PPA1: variants seen among roughly 807,000 people sequenced by gnomAD.
PPA1 encodes inorganic pyrophosphatase.
In PPA1, 23 loss-of-function variants were observed where a neutral mutation model predicts 41.8. The observed-to-expected ratio is 0.55, with a 90% CI of 0.40 to 0.78. The LOEUF (loss-of-function observed/expected upper bound fraction) is 0.78, where lower values mean the gene tolerates loss of function less well. Ranked by LOEUF, PPA1 falls within the 30% of genes least tolerant of loss-of-function variation. PPA1 has a pLI of 0.00. For missense variants in PPA1, 320 were observed against 361.6 expected (o/e 0.89, Z 0.93); for synonymous variants, 101 against 116.8 (o/e 0.86, Z 0.87).
intron 8 of PPA1, among the ~76,000 whole-genome samples, chr10:70,206,718 C>T (rs1417751054): frequency 3.3e-5 from 5 of 151,256 alleles, no homozygotes; most frequent in Non-Finnish European, 7.4e-5. Flanking sequence ...GTGGCGCATG[C>T]CTGTAGTCCC....
intron 2 of PPA1, among the ~76,000 whole-genome samples, chr10:70,228,813 G>A (rs1034681794): frequency 4.6e-5 from 7 of 152,322 alleles, no homozygotes; most frequent in African/African-American, 1.7e-4. Flanking sequence ...GTACAGAACT[G>A]CAGCAAACTT....
chr10:70,205,334 C>T (rs915536800), intron 9 of PPA1: 2 of 151,634 alleles, frequency 1.3e-5, no homozygotes, highest in African/African-American at 4.9e-5. Context: ...TGAGATTGCG[C>T]CACTGCACTC....
chr10:70,217,970 G>A (rs1840098035), intron 3 of PPA1, 39 bp from the exon 4 acceptor site: 3 of 1,480,270 alleles, frequency 2.0e-6, no homozygotes, highest in Non-Finnish European at 2.8e-6. Flanking sequence ...ATATTTGGAT[G>A]TGAAATACTA....
chr10:70,219,804 A>G (rs983943486), intron 2 of PPA1, among the ~76,000 whole-genome samples: 1 of 152,222 alleles, frequency 6.6e-6, no homozygotes. Flanking sequence ...CCCATTTTGC[A>G]CACTGGAGTT....
intron 3 of PPA1, 103 bp from the exon 4 acceptor site, chr10:70,218,034 C>T: frequency 2.8e-6 from 3 of 1,064,832 alleles, no homozygotes; most frequent in Non-Finnish European, 2.6e-6. Context: ...CCTAATTCCA[C>T]TTTAATGATA....
In PPA1 at chr10:70,223,151, G is replaced by A. The variant is rs183239288; in HGVS notation, c.124-4334C>T. Among the ~76,000 whole-genome samples the A allele has an allele frequency of 4.6e-5, 7 of 152,118 alleles. No individual in the cohort carries two copies. In the East Asian group the frequency reaches 1.2e-3, roughly 25 times the overall value. On this transcript the variant is annotated intron_variant, in intron 2 of 10. Transcript: ENST00000373232. ...AGGCAGAGGCAGGAGGACCGCTTGA[G>A]GCCAAGAGTTCAAGACCAACCTGAC... is the stretch of plus-strand genomic sequence containing the variant.
chr10:70,228,223 G>A (rs961224311), intron 2 of PPA1, among the ~76,000 whole-genome samples: 4 of 152,172 alleles, frequency 2.6e-5, no homozygotes, highest in African/African-American at 4.8e-5. Flanking sequence ...TAAGGCTTCA[G>A]TGTCTGAGAG....
chr10:70,232,537 C>A (rs1372627563), intron 1 of PPA1, among the ~76,000 whole-genome samples: 1 of 152,238 alleles, frequency 6.6e-6, no homozygotes, highest in Admixed American at 6.5e-5. Flanking sequence ...GTAGGTACCC[C>A]CTAGACGCCG....
chr10:70,205,045 A>T, intron 9 of PPA1, 130 bp from the exon 10 acceptor site: 1 of 649,172 alleles, frequency 1.5e-6, no homozygotes, highest in Non-Finnish European at 2.6e-6. Context: ...AATTTATAAT[A>T]TATAGGAACA....
At chr10:70,220,717 T>A (rs760838180) in intron 2 of PPA1, among the ~76,000 whole-genome samples, 1 of 7,156 alleles carries the variant, frequency 1.4e-4, no homozygotes, top group African/African-American at 6.9e-4. Flanking sequence ...TATATATAAT[T>A]TATATATATA....
chr10:70,227,484 T>C (rs779066079), intron 2 of PPA1, among the ~76,000 whole-genome samples: 19 of 151,806 alleles, frequency 1.3e-4, no homozygotes, highest in Non-Finnish European at 2.5e-4. Context: ...ACCCTGTCTC[T>C]ACAAAAAAAT....
In PPA1 at chr10:70,209,684, A is replaced by G. The variant is rs1564581103; in HGVS notation, c.513T>C (p.Asp171=). ...GTTTCAGCCGTTTGACATCATTGAT[A>G]TCTAAGAAGAGAAGAAGCATAAGAT... The part of the protein sequence containing the change: ...VDDPDAANYN[D]INDVKRLKPG... Residue 171 remains aspartate (D), a splice_region_variant and synonymous_variant, in exon 7 of 11, where the codon GAT becomes GAC. Coordinates refer to ENST00000373232, the MANE Select transcript of PPA1 (RefSeq NM_021129.4). 3 of 1,591,460 alleles carry G rather than the reference A, an allele frequency of 1.9e-6. No individual in the cohort carries two copies. The highest frequency in any genetic ancestry group is 2.6e-6 in the Non-Finnish European group (3 of 1,165,178).
chr10:70,231,733 GT>G (rs1840291274), intron 1 of PPA1, among the ~76,000 whole-genome samples: 1 of 152,230 alleles, frequency 6.6e-6, no homozygotes, highest in Admixed American at 6.5e-5. Flanking sequence ...GGATAACTAT[GT>G]AGTGGGTTCT....
At chr10:70,207,949 T>C (rs1161468654) in intron 8 of PPA1, among the ~76,000 whole-genome samples, 3 of 152,178 alleles carry the variant, frequency 2.0e-5, no homozygotes, top group African/African-American at 7.2e-5. Flanking sequence ...TCCCACCACT[T>C]TGGGAGGCCG....
intron 2 of PPA1, among the ~76,000 whole-genome samples, chr10:70,221,228 A>G (rs1840165468): frequency 6.7e-6 from 1 of 149,308 alleles, no homozygotes; most frequent in South Asian, 2.1e-4. Flanking sequence ...AAAAACGGGA[A>G]CTGATAAGCC....
intron 6 of PPA1, among the ~76,000 whole-genome samples, chr10:70,210,956 T>C (rs965150108): frequency 9.2e-5 from 14 of 152,092 alleles, no homozygotes; most frequent in African/African-American, 3.1e-4. Context: ...TTAGTAGAGA[T>C]GGGGTTTCGT....
chr10:70,217,598 C>A (rs535438468), intron 4 of PPA1, among the ~76,000 whole-genome samples: 2 of 152,110 alleles, frequency 1.3e-5, no homozygotes, highest in Non-Finnish European at 2.9e-5. Flanking sequence ...AAAGAATAAA[C>A]GTTCAAATCT....
rs753946364 is a variant in PPA1, at chr10:70,214,543, C to T, written c.341G>A (p.Cys114Tyr). 6.2e-7 allele frequency: 1 copy of T among 1,613,800 alleles called. No homozygotes were observed. The highest frequency in any genetic ancestry group is 8.5e-7 in the Non-Finnish European group (1 of 1,179,836). ...PGHNDKHTGCCGDNDPIDVCE... is the reference protein window; with the variant it reads ...PGHNDKHTGCYGDNDPIDVCE... ...CACATCAATTGGGTCATTGTCACCA[C>T]AACAGCCAGTATGTTTATCATTGTG... The change falls in exon 5 of 11, where the codon TGT (cysteine) becomes TAT (tyrosine). Residue 114 changes from cysteine (C) to tyrosine (Y), a missense_variant. By Grantham distance (194) the Cys-to-Tyr change is radical. Coordinates refer to ENST00000373232, the MANE Select transcript of PPA1 (RefSeq NM_021129.4).
At chr10:70,232,234 C>G (rs1005523821) in intron 1 of PPA1, among the ~76,000 whole-genome samples, 1 of 152,188 alleles carries the variant, frequency 6.6e-6, no homozygotes, top group Admixed American at 6.5e-5. Context: ...CCCCGCTTCC[C>G]CTTCCTTCAT....
Sources: allele counts gnomAD v4.1 joint callset (sites outside exome capture counted in the v4.1 genomes callset), GRCh38; gene constraint gnomAD v4.1.1; transcripts MANE v1.5; gene names NCBI Gene and HGNC (gene_info 2026-07-23, HGNC 2026-07-21).